CYFIP1: variants seen among roughly 807,000 people sequenced by gnomAD.
CYFIP1 encodes cytoplasmic FMR1-interacting protein 1.
CYFIP1 carries 58 observed loss-of-function variants against 163.5 expected under a neutral mutation model. That is an observed-to-expected ratio of 0.35 (90% CI 0.29 to 0.44). CYFIP1 has a LOEUF of 0.44. CYFIP1 is among the 20% of genes least tolerant of loss of function. The pLI, the probability that CYFIP1 is intolerant of heterozygous loss-of-function variation, is 1.00. For synonymous variants in CYFIP1, 663 were observed against 660.7 expected (o/e 1.00, Z -0.05); for missense variants, 1,338 against 1,653.8 (o/e 0.81, Z 3.31).
Position 22,868,921 on chromosome 15 carries a change from A to ATCTT in CYFIP1, c.*1103_*1106dup, listed in dbSNP as rs1489960384. 3.1e-5 allele frequency: 2 copies of ATCTT among 63,810 alleles called. No individual in the cohort carries two copies. The highest frequency in any genetic ancestry group is 9.1e-4 in the South Asian group (2 of 2,198). 4.0% of individuals were successfully genotyped at this position (63,810 alleles called of 1,614,324 possible). The stretch of plus-strand genomic sequence containing the variant: ...TTCATCTACAATAAACAGGCATAGC[A>ATCTT]TCTTTTTCCATTCAGTTAGTTAGGA... On this transcript the variant is annotated 3_prime_UTR_variant, in exon 31 of 31. Coordinates refer to ENST00000617928, the MANE Select transcript of CYFIP1 (RefSeq NM_014608.6).
In CYFIP1 at chr15:22,917,070, G is replaced by A. The variant is rs746265938; in HGVS notation, c.1675-440C>T. ...CAGGAGGGAGAGGCAGGAGAGAGAC[G>A]TTAGTCACTCGACACACACACCCCA... On this transcript the variant is annotated intron_variant, in intron 15 of 30. Coordinates refer to ENST00000617928, the MANE Select transcript of CYFIP1 (RefSeq NM_014608.6). The surrounding 1 kb of genome is among the most constrained non-coding windows in gnomAD (Gnocchi z 4.2). 59 of 1,495,600 alleles carry A rather than the reference G, an allele frequency of 3.9e-5. No homozygotes were observed. The highest frequency in any genetic ancestry group is 2.1e-4 in the Middle Eastern group (1 of 4,800). The allele number at this position is 1,495,600 out of a possible 1,614,324, so 92.6% of individuals were successfully genotyped here.
At position 22,926,087 on chromosome 15, in the gene CYFIP1, G is replaced by A. The variant is rs752369897; in HGVS notation, c.1254C>T (p.His418=). The A allele has an allele frequency of 5.0e-6, 8 of 1,614,152 alleles. No individual in the cohort carries two copies. In the South Asian group the frequency reaches 6.6e-5, roughly 13 times the overall value. The part of the protein sequence containing the change: ...VMEVYSWKLV[H]PTDKYSNKDC... ...CCTTGTTGGAGTACTTGTCGGTGGG[G>A]TGCACAAGCTTCCAGGAATACTGTG... Residue 418 remains histidine (H), a synonymous_variant, in exon 13 of 31, where the codon CAC becomes CAT. Coordinates refer to ENST00000617928, the MANE Select transcript of CYFIP1 (RefSeq NM_014608.6).
chr15:22,896,435 C>T (rs761849376), intron 22 of CYFIP1, among the ~76,000 whole-genome samples: 8 of 152,072 alleles, frequency 5.3e-5, no homozygotes, highest in Admixed American at 1.3e-4. Context: ...CCCCGACAAC[C>T]TCTTACTAGG....
At chr15:22,950,795 G>A (rs760295317) in intron 1 of CYFIP1, among the ~76,000 whole-genome samples, 23 of 152,196 alleles carry the variant, frequency 1.5e-4, no homozygotes, top group Admixed American at 2.0e-4. Context: ...GGACTGCAGC[G>A]GTATGGCCAG....
At chr15:22,978,578 C>T (rs966030507) in intron 1 of CYFIP1, among the ~76,000 whole-genome samples, 4 of 152,040 alleles carry the variant, frequency 2.6e-5, no homozygotes, top group Non-Finnish European at 5.9e-5. Context: ...TATTATACTA[C>T]TTAGAAGTAC....
intron 1 of CYFIP1, among the ~76,000 whole-genome samples, chr15:22,962,444 G>A (rs1464787574): frequency 1.4e-5 from 2 of 146,956 alleles, no homozygotes; most frequent in Non-Finnish European, 3.0e-5. Context: ...TGTTGCCCAC[G>A]CTGGAATACA....
At chr15:22,896,811 C>CTA (rs1371140987) in intron 22 of CYFIP1, among the ~76,000 whole-genome samples, 1 of 152,100 alleles carries the variant, frequency 6.6e-6, no homozygotes, top group Non-Finnish European at 1.5e-5. Flanking sequence ...TTTCTCTGGG[C>CTA]TATGGGTCAC....
At chr15:22,897,881 G>A (rs1015649814) in intron 22 of CYFIP1, among the ~76,000 whole-genome samples, 4 of 152,198 alleles carry the variant, frequency 2.6e-5, no homozygotes, top group South Asian at 2.1e-4. Context: ...CCTGGCACAC[G>A]CACAGTTTAG....
At chr15:22,887,323 C>G (rs1459630965) in intron 23 of CYFIP1, among the ~76,000 whole-genome samples, 1 of 152,052 alleles carries the variant, frequency 6.6e-6, no homozygotes, top group East Asian at 1.9e-4. Context: ...GTCCCAGGCC[C>G]AAGCCCTGCG....
intron 23 of CYFIP1, among the ~76,000 whole-genome samples, chr15:22,883,680 G>C (rs954496194): frequency 6.6e-5 from 10 of 151,926 alleles, no homozygotes; most frequent in African/African-American, 2.4e-4. Flanking sequence ...AGCCGGGCGT[G>C]GTGGCAGGTG....
rs551025004 is a variant in CYFIP1, at chr15:22,919,556, C to T, written c.1360-698G>A. Among the ~76,000 whole-genome samples the T allele has an allele frequency of 7.9e-5, 12 of 152,290 alleles. No homozygotes were observed. The East Asian group carries it at 2.3e-3, about 29-fold the overall frequency. ...GGCCTAGAAATCTCTCTGAAAGCAG[C>T]AAGTGAGGCAGAGCAAGACACACTT... On this transcript the variant is annotated intron_variant, in intron 13 of 30. Coordinates refer to ENST00000617928, the MANE Select transcript of CYFIP1 (RefSeq NM_014608.6).
Position 22,868,004 on chromosome 15 carries a change from T to A in CYFIP1, c.*2024A>T, listed in dbSNP as rs1300008097. 1.3e-5 allele frequency: 2 copies of A among 152,260 alleles called. No individual in the cohort carries two copies. Among genetic ancestry groups the A allele is most frequent in the Non-Finnish European group, 2.9e-5 (2 of 68,052 alleles). 9.4% of individuals were successfully genotyped at this position (152,260 alleles called of 1,614,324 possible). On this transcript the variant is annotated 3_prime_UTR_variant, in exon 31 of 31. Transcript: ENST00000617928. The stretch of plus-strand genomic sequence containing the variant: ...AGTATTGGCAGAATTAATTTCCACC[T>A]AGGTGATGGGAAGAAAGTGTTCGCC...
At chr15:22,933,556 C>T (rs558867460) in intron 10 of CYFIP1, among the ~76,000 whole-genome samples, 14 of 152,108 alleles carry the variant, frequency 9.2e-5, no homozygotes, top group South Asian at 2.1e-4. Context: ...CCTCGTGATC[C>T]GCCCGCCTCG....
intron 11 of CYFIP1, among the ~76,000 whole-genome samples, chr15:22,930,276 C>T (rs2061494727): frequency 1.3e-5 from 2 of 151,454 alleles, no homozygotes. Flanking sequence ...TGCCTGTAGT[C>T]CCAGCTACTC....
rs774355934 is a variant in CYFIP1, at chr15:22,873,764, C to T, written c.3211-35G>A. The T allele has an allele frequency of 9.7e-6, 15 of 1,553,644 alleles. No homozygotes were observed. In the South Asian group the frequency reaches 1.3e-4, roughly 13 times the overall value. ...GGACAAGCCGTGGAATGCCGTGGGC[C>T]TCCAGGCATCCAGCTACTCCACATC... On this transcript the variant is annotated intron_variant, in intron 28 of 30. Transcript: ENST00000617928.
chr15:22,876,442 T>C (rs2059586373), intron 26 of CYFIP1, among the ~76,000 whole-genome samples: 1 of 152,050 alleles, frequency 6.6e-6, no homozygotes, highest in Non-Finnish European at 1.5e-5. Context: ...ATTATCCTAG[T>C]AAATTCCATT....
intron 16 of CYFIP1, among the ~76,000 whole-genome samples, chr15:22,915,574 C>A (rs976867849): frequency 1.1e-4 from 16 of 152,038 alleles, no homozygotes; most frequent in African/African-American, 3.9e-4. Context: ...CATGGTAAAA[C>A]CCCATCTCTA....
intron 3 of CYFIP1, among the ~76,000 whole-genome samples, chr15:22,946,228 C>T (rs948215651): frequency 6.6e-6 from 1 of 150,674 alleles, no homozygotes; most frequent in Non-Finnish European, 1.5e-5. Context: ...TGCTTGAACC[C>T]GGGAGGTTGA....
rs773354590 is a variant in CYFIP1, at chr15:22,914,836, C to T, written c.1875G>A (p.Glu625=). 2 of 1,613,488 alleles carry T rather than the reference C, an allele frequency of 1.2e-6. No homozygotes were observed. Among genetic ancestry groups the T allele is most frequent in the African/African-American group, 2.7e-5 (2 of 74,854 alleles). Residue 625 remains glutamate, a synonymous_variant, in exon 17 of 31, where the codon GAG becomes GAA. Transcript: ENST00000617928. The stretch of plus-strand genomic sequence containing the variant: ...TGCCCATGGTCAGCTCCAGGAAGAA[C>T]TCTCGGAACCACAGCTGCGAAAGGT... ...CCDLSQLWFR[E]FFLELTMGRR...
Sources: gnomAD v4.1 joint callset for allele counts (sites outside exome capture counted in the v4.1 genomes callset) on GRCh38, gnomAD v4.1.1 for gene constraint, Gnocchi (gnomAD v3.1) non-coding constraint, MANE v1.5 for transcripts, NCBI Gene and HGNC (gene_info 2026-07-23, HGNC 2026-07-21) for gene names.